Variants in TDRD9 observed in about 807,000 individuals in gnomAD.
TDRD9 encodes ATP-dependent RNA helicase TDRD9.
Under a neutral mutation model 172.6 loss-of-function variants are expected in TDRD9, and 124 were observed. The ratio of observed to expected loss-of-function variants is 0.72; its 90% CI spans 0.62 to 0.83. The LOEUF is 0.83. Among genes scored for constraint, TDRD9 ranks in the 40% least tolerant of loss-of-function variants. The pLI, the probability that TDRD9 is intolerant of heterozygous loss-of-function variation, is 0.00. For synonymous variants in TDRD9, 619 were observed against 617.1 expected, an observed-to-expected ratio of 1.00 and a Z score of -0.05; for missense variants, 1,479 against 1,714.1, an observed-to-expected ratio of 0.86 and a Z score of 2.42.
chr14:103,930,375 C>G (rs1485933715), intron 1 of TDRD9, among the ~76,000 whole-genome samples: 1 of 152,112 alleles, frequency 6.6e-6, no homozygotes, highest in African/African-American at 2.4e-5. Context: ...TTAGTAGAGA[C>G]AGCATTTCAC....
rs1362769479 is a variant in TDRD9 at position 103,963,172 on chromosome 14, A to G, written c.416A>G (p.Glu139Gly). The change falls in exon 3 of 36, where the codon GAA (glutamate) becomes GGA (glycine). Residue 139 changes from glutamate to glycine, a missense_variant. Physicochemically the swap from Glu to Gly is moderately conservative, Grantham distance 98. Around this residue, in one of 3 missense-constraint regions of TDRD9, gnomAD observed 1,413 missense variants for 1,649.1 expected, o/e 0.86. Transcript: ENST00000409874. ...YPDLPISRYK[E>G]EVVSLIESNS... ...GATTTGCCTATAAGTCGATACAAGG[A>G]AGAGGTAAAATTGTTTTGTTATACT... The G allele has an allele frequency of 6.5e-7, 1 of 1,545,204 alleles. No individual in the cohort carries two copies. Among genetic ancestry groups the G allele is most frequent in the East Asian group, 2.5e-5 (1 of 40,780 alleles).
intron 7 of TDRD9, among the ~76,000 whole-genome samples, chr14:103,983,965 C>T (rs543042506): frequency 3.9e-5 from 6 of 152,124 alleles, no homozygotes; most frequent in Non-Finnish European, 8.8e-5. Flanking sequence ...GTAAAGGTGA[C>T]TCTTGTTATG....
intron 7 of TDRD9, among the ~76,000 whole-genome samples, chr14:103,981,697 T>C (rs2033479576): frequency 6.6e-6 from 1 of 152,252 alleles, no homozygotes; most frequent in South Asian, 2.1e-4. Context: ...AGAACACTTA[T>C]TTAGCCTATA....
intron 34 of TDRD9, 38 bp from the exon 35 acceptor site, chr14:104,049,570 A>G: frequency 6.8e-7 from 1 of 1,469,848 alleles, no homozygotes. Flanking sequence ...TCAGTTACTA[A>G]TATATAATTA....
At chr14:103,956,110 AAATATAT>A (rs1241533000) in intron 2 of TDRD9, among the ~76,000 whole-genome samples, 1 of 30,782 alleles carries the variant, frequency 3.2e-5, no homozygotes, top group Non-Finnish European at 5.8e-5. Context: ...AAAAAAAAAA[AAATATAT>A]ATATATATAT....
At chr14:104,014,145 C>T (rs781617051) in intron 20 of TDRD9, among the ~76,000 whole-genome samples, 1 of 148,532 alleles carries the variant, frequency 6.7e-6, no homozygotes, top group Admixed American at 6.8e-5. Flanking sequence ...AGGAGAATGG[C>T]GTGAACCTCG....
intron 23 of TDRD9, among the ~76,000 whole-genome samples, chr14:104,020,662 A>G (rs935228745): frequency 2.6e-4 from 40 of 152,050 alleles, no homozygotes; most frequent in African/African-American, 9.4e-4. Flanking sequence ...TGATTCATGT[A>G]CCTGCTCCAC....
intron 1 of TDRD9, among the ~76,000 whole-genome samples, chr14:103,951,024 T>C (rs1429568330): frequency 6.6e-6 from 1 of 152,240 alleles, no homozygotes; most frequent in Non-Finnish European, 1.5e-5. Context: ...TTTTTCCCTT[T>C]AAAACCTTTG....
chr14:104,015,210 A>G (rs1436113529), intron 21 of TDRD9, among the ~76,000 whole-genome samples: 1 of 152,180 alleles, frequency 6.6e-6, no homozygotes, highest in South Asian at 2.1e-4. Context: ...TTCAGTGTAT[A>G]TAGCTATTCC....
At chr14:104,048,798 T>G (rs1291021060) in intron 34 of TDRD9, among the ~76,000 whole-genome samples, 1 of 152,214 alleles carries the variant, frequency 6.6e-6, no homozygotes, top group African/African-American at 2.4e-5. Context: ...GCTGGAAAGC[T>G]ATGGGCTTTC....
intron 3 of TDRD9, 22 bp downstream of exon 3, chr14:103,963,198 G>GT: frequency 6.7e-7 from 1 of 1,499,816 alleles, no homozygotes; most frequent in Non-Finnish European, 9.0e-7. Context: ...TTGTTATACT[G>GT]TAATTTTGCT....
chr14:104,008,571 C>A, intron 20 of TDRD9, 105 bp downstream of exon 20: 1 of 737,226 alleles, frequency 1.4e-6, no homozygotes. Flanking sequence ...AATGAGTATT[C>A]CAAGAAGTGT....
chr14:104,042,285 T>C (rs1172951778), intron 34 of TDRD9, 98 bp downstream of exon 34: 10 of 813,622 alleles, frequency 1.2e-5, no homozygotes, highest in African/African-American at 3.4e-5. Flanking sequence ...ATGTGACATA[T>C]TGATCACCTG....
intron 25 of TDRD9, among the ~76,000 whole-genome samples, chr14:104,025,085 G>A (rs530069539): frequency 1.4e-4 from 22 of 152,314 alleles, no homozygotes; most frequent in Admixed American, 5.9e-4. Context: ...GGGTTCAAGC[G>A]ATTCCCCTGC....
rs1413183350 is a variant in TDRD9 at position 104,026,849 on chromosome 14, G to C, written c.3192G>C (p.Gln1064His). The change falls in exon 28 of 36, where the codon CAG becomes CAC. Residue 1064 changes from glutamine to histidine, a missense_variant. By Grantham distance (24) the Gln-to-His change is conservative. Around this residue, in one of 3 missense-constraint regions of TDRD9, gnomAD observed 1,413 missense variants for 1,649.1 expected, o/e 0.86. Coordinates refer to ENST00000409874, the MANE Select transcript of TDRD9 (RefSeq NM_153046.3). ...GCGTCCTGCACGTGGATGTGTACCAGTACTCAGGGGTCCAGGATGCCATCA... is the reference window on the plus strand; with the variant it reads ...GCGTCCTGCACGTGGATGTGTACCACTACTCAGGGGTCCAGGATGCCATCA... ...VHSVLHVDVYQYSGVQDAINI... is the reference protein window; with the variant it reads ...VHSVLHVDVYHYSGVQDAINI... The C allele has an allele frequency of 6.2e-7, 1 of 1,614,040 alleles. No individual in the cohort carries two copies. The highest frequency in any genetic ancestry group is 8.5e-7 in the Non-Finnish European group (1 of 1,179,886).
chr14:104,020,598 G>T (rs1220886034), intron 23 of TDRD9, among the ~76,000 whole-genome samples: 2 of 152,200 alleles, frequency 1.3e-5, no homozygotes, highest in Admixed American at 1.3e-4. Flanking sequence ...GTGCATTTAT[G>T]AGTGAAGAGG....
intron 35 of TDRD9, chr14:104,050,011 T>TG: frequency 4.3e-6 from 1 of 233,970 alleles, no homozygotes; most frequent in East Asian, 9.2e-5. Flanking sequence ...TCCTTCCATG[T>TG]GGCTGGCTTG....
intron 31 of TDRD9, among the ~76,000 whole-genome samples, 191 bp downstream of exon 31, chr14:104,034,260 G>A (rs939057756): frequency 7.1e-6 from 1 of 140,046 alleles, no homozygotes. Flanking sequence ...GCGCGATCTC[G>A]GCTCACTGCA....
chr14:103,995,738 G>A lies in TDRD9; in HGVS notation c.1321-12G>A. 1.3e-6 allele frequency: 2 copies of A among 1,579,054 alleles called. No individual in the cohort carries two copies. Among genetic ancestry groups the A allele is most frequent in the Non-Finnish European group, 1.7e-6 (2 of 1,166,684 alleles). On this transcript the variant is annotated splice_polypyrimidine_tract_variant and intron_variant, in intron 11 of 35. Coordinates refer to ENST00000409874, the MANE Select transcript of TDRD9 (RefSeq NM_153046.3). ...AGTAGGAATGTCAGCTTTTTTCTTT[G>A]ATGTTTAACAGATTATTCTGTCCAC...
Sources: allele counts gnomAD v4.1 joint callset (sites outside exome capture counted in the v4.1 genomes callset), GRCh38; gene constraint gnomAD v4.1.1; regional missense constraint gnomAD v4.1.1; transcripts MANE v1.5; gene names NCBI Gene and HGNC (gene_info 2026-07-23, HGNC 2026-07-21).